The following PPFIBP2 variants were observed in gnomAD, a reference collection of about 807,000 sequenced individuals.
The protein encoded by PPFIBP2 is liprin-beta-2.
PPFIBP2 carries 118 observed loss-of-function variants against 118.3 expected under a neutral mutation model. That is an observed-to-expected ratio of 1.00 (90% CI 0.86 to 1.16). PPFIBP2 has a LOEUF of 1.16. PPFIBP2 is among the 50% of genes most tolerant of loss of function. The pLI is 0.00. For synonymous variants in PPFIBP2, 414 were observed against 397.4 expected (o/e 1.04, Z -0.50); for missense variants, 1,195 against 1,073.1 (o/e 1.11, Z -1.59).
rs1257492840 is a variant in PPFIBP2, at chr11:7,629,467, G to A, written c.897G>A (p.Arg299=). The change falls in exon 10 of 24, where the codon CGG becomes CGA. Residue 299 remains arginine, a synonymous_variant. Transcript: ENST00000299492. The part of the protein sequence containing the change: ...LLLANEDKDR[R]IEELTGLLNQ... ...TACTTGCACTATGGCAGGACCGTCG[G>A]ATAGAGGAGCTTACGGGGCTGTTAA... 1.9e-6 allele frequency: 3 copies of A among 1,614,086 alleles called. No individual in the cohort carries two copies. The highest frequency in any genetic ancestry group is 2.5e-6 in the Non-Finnish European group (3 of 1,179,934).
At chr11:7,663,673 C>T in the PPFIBP2 span, among the ~76,000 whole-genome samples, 1 of 152,238 alleles carries the variant, frequency 6.6e-6, no homozygotes, top group East Asian at 1.9e-4. Flanking sequence ...TGGTGGGCTC[C>T]ACCCAGTTCG....
chr11:7,569,716 G>T (rs144669314), intron 3 of PPFIBP2, among the ~76,000 whole-genome samples: 6 of 152,308 alleles, frequency 3.9e-5, no homozygotes, highest in African/African-American at 1.4e-4. Context: ...TGGGAAGGTA[G>T]TCCTTTACAA....
downstream of PPFIBP2, among the ~76,000 whole-genome samples, chr11:7,658,230 T>A (rs1256057543): frequency 6.7e-6 from 1 of 150,286 alleles, no homozygotes; most frequent in Non-Finnish European, 1.5e-5. Context: ...TGTGCCATGC[T>A]GGTGCACTGC....
chr11:7,612,930 G>C (rs1848231966), intron 6 of PPFIBP2, among the ~76,000 whole-genome samples: 2 of 152,232 alleles, frequency 1.3e-5, no homozygotes, highest in Non-Finnish European at 2.9e-5. Context: ...CATGTGCATG[G>C]AGATGTTTAT....
chr11:7,514,267 G>T (rs899563759), intron 1 of PPFIBP2, 146 bp downstream of exon 1: 5 of 152,340 alleles, frequency 3.3e-5, no homozygotes, highest in Non-Finnish European at 7.3e-5. Flanking sequence ...CCCGGAGCGT[G>T]TCCCAGGCTC....
At chr11:7,540,170 C>T (rs1176408192) in intron 1 of PPFIBP2, among the ~76,000 whole-genome samples, 14 of 152,124 alleles carry the variant, frequency 9.2e-5, no homozygotes, top group South Asian at 6.2e-4. Context: ...GCTGGTGAAG[C>T]GTTGTGAATG....
chr11:7,651,655 G>A lies in PPFIBP2; in HGVS notation c.2248-1G>A. The A allele has an allele frequency of 6.3e-7, 1 of 1,598,308 alleles. No homozygotes were observed. The highest frequency in any genetic ancestry group is 8.6e-7 in the Non-Finnish European group (1 of 1,168,116). The stretch of plus-strand genomic sequence containing the variant: ...CAGGCTTGTCTCTGGTTCCTTCTTA[G>A]ATCCTGGAGCCACGCTTCACTGGGG... On this transcript the variant is annotated splice_acceptor_variant, in intron 22 of 23. Coordinates refer to ENST00000299492, the MANE Select transcript of PPFIBP2 (RefSeq NM_003621.5). LOFTEE classifies it high-confidence loss of function.
intron 1 of PPFIBP2, among the ~76,000 whole-genome samples, chr11:7,518,336 A>G (rs1590085211): frequency 6.6e-6 from 1 of 152,136 alleles, no homozygotes; most frequent in African/African-American, 2.4e-5. Flanking sequence ...CAGTTACATG[A>G]GAGAGAAAAA....
chr11:7,618,805 C>T (rs115815206), intron 6 of PPFIBP2, among the ~76,000 whole-genome samples: 5,306 of 151,790 alleles, frequency 0.035, 153 homozygotes, highest in African/African-American at 0.067. Flanking sequence ...TGGTTTCGAA[C>T]TCCTCATCTC....
chr11:7,666,273 C>A, the PPFIBP2 span: 1 of 602,168 alleles, frequency 1.7e-6, no homozygotes, highest in South Asian at 2.1e-5. Context: ...AAAAGCAGGC[C>A]ATCCCAAATC....
the PPFIBP2 span, among the ~76,000 whole-genome samples, chr11:7,663,683 G>C: frequency 3.9e-5 from 6 of 152,358 alleles, no homozygotes; most frequent in South Asian, 2.1e-4. Flanking sequence ...CACCCAGTTC[G>C]AGCTTCCCGG....
At chr11:7,610,166 T>C in intron 5 of PPFIBP2, 125 bp from the exon 6 acceptor site, 1 of 1,238,952 alleles carries the variant, frequency 8.1e-7, no homozygotes, top group Non-Finnish European at 1.1e-6. Flanking sequence ...GACTCTCATG[T>C]AGCAGTCTCA....
chr11:7,649,844 A>G (rs2136002708), intron 21 of PPFIBP2, among the ~76,000 whole-genome samples, 190 bp downstream of exon 21: 1 of 152,336 alleles, frequency 6.6e-6, no homozygotes. Context: ...CACAGTAGCC[A>G]TAGACCTCTA....
intron 8 of PPFIBP2, among the ~76,000 whole-genome samples, chr11:7,627,941 G>C (rs1850239391): frequency 6.6e-6 from 1 of 152,128 alleles, no homozygotes; most frequent in African/African-American, 2.4e-5. Flanking sequence ...AAGCCCAGGT[G>C]CATGCCTACT....
chr11:7,590,975 G>A (rs1490556136), intron 3 of PPFIBP2, among the ~76,000 whole-genome samples: 3 of 152,150 alleles, frequency 2.0e-5, no homozygotes, highest in African/African-American at 7.2e-5. Flanking sequence ...TGCGGATCCT[G>A]TTAACTGATT....
intron 2 of PPFIBP2, among the ~76,000 whole-genome samples, chr11:7,555,154 A>G (rs1038655325): frequency 3.3e-5 from 5 of 152,168 alleles, no homozygotes; most frequent in Non-Finnish European, 7.3e-5. Context: ...TTCAGTGGCT[A>G]CTTTGTCAGG....
intron 1 of PPFIBP2, among the ~76,000 whole-genome samples, chr11:7,540,455 A>C (rs1851663783): frequency 6.6e-6 from 1 of 152,124 alleles, no homozygotes; most frequent in Admixed American, 6.5e-5. Flanking sequence ...CTTGGTGACC[A>C]TGGGGGCATC....
At chr11:7,607,069 C>T (rs1847457328) in intron 5 of PPFIBP2, among the ~76,000 whole-genome samples, 1 of 150,926 alleles carries the variant, frequency 6.6e-6, no homozygotes, top group African/African-American at 2.4e-5. Flanking sequence ...CACCACCACA[C>T]CTGGCTAATT....
chr11:7,524,705 T>A (rs1850067461), intron 1 of PPFIBP2, among the ~76,000 whole-genome samples: 1 of 150,162 alleles, frequency 6.7e-6, no homozygotes, highest in Non-Finnish European at 1.5e-5. Flanking sequence ...TCAAATTCAG[T>A]GTTCAAAACT....
Sources: gnomAD v4.1 joint callset for allele counts (sites outside exome capture counted in the v4.1 genomes callset) on GRCh38, gnomAD v4.1.1 for gene constraint, MANE v1.5 for transcripts, NCBI Gene and HGNC (gene_info 2026-07-23, HGNC 2026-07-21) for gene names.